Variants in ZNF667 observed in about 807,000 individuals in gnomAD.
The protein encoded by ZNF667 is zinc finger protein 667, also known as myocardial ischemic preconditioning upregulated 1 ortholog.
Under a neutral mutation model 31.8 loss-of-function variants are expected in ZNF667, and 13 were observed. The observed-to-expected ratio is 0.41, with a 90% CI of 0.27 to 0.65. The LOEUF (loss-of-function observed/expected upper bound fraction) is 0.65. Among genes scored for constraint, ZNF667 ranks in the 30% least tolerant of loss-of-function variants. The pLI, the probability that ZNF667 is intolerant of heterozygous loss-of-function variation, is 0.32. For missense variants in ZNF667, 642 were observed against 725.6 expected, an observed-to-expected ratio of 0.88 and a Z score of 1.32; for synonymous variants, 228 against 247.1, an observed-to-expected ratio of 0.92 and a Z score of 0.73.
chr19:56,446,298 C>T (rs1006463558), intron 6 of ZNF667, among the ~76,000 whole-genome samples: 2 of 152,132 alleles, frequency 1.3e-5, no homozygotes, highest in African/African-American at 4.8e-5. Context: ...AAATAATGTG[C>T]GAGATTTCTG....
chr19:56,462,245 A>G, intron 4 of ZNF667, 93 bp downstream of exon 4: 1 of 1,510,528 alleles, frequency 6.6e-7, no homozygotes, highest in South Asian at 1.2e-5. Context: ...TGGATCTCCA[A>G]CAGGCAACAA....
At chr19:56,469,916 A>G (rs1270523933) in intron 3 of ZNF667, 1 of 491,898 alleles carries the variant, frequency 2.0e-6, no homozygotes. Context: ...TCCCTCACCC[A>G]CTAAACCGGG....
chr19:56,444,189 T>C (rs541447763), intron 6 of ZNF667: 1 of 398,536 alleles, frequency 2.5e-6, no homozygotes, highest in African/African-American at 2.1e-5. Context: ...GGGTAATTTA[T>C]AAACAAAAGA....
At chr19:56,450,173 T>A (rs2042790973) in intron 6 of ZNF667, among the ~76,000 whole-genome samples, 1 of 151,986 alleles carries the variant, frequency 6.6e-6, no homozygotes, top group Non-Finnish European at 1.5e-5. Context: ...TCAGATAATT[T>A]AATAAACTCC....
chr19:56,442,882 G>T, intron 6 of ZNF667, 141 bp from the exon 7 acceptor site: 1 of 1,182,000 alleles, frequency 8.5e-7, no homozygotes, highest in Non-Finnish European at 1.1e-6. Context: ...TTTTATTGTG[G>T]TTTTGATGAC....
chr19:56,469,961 T>C (rs1290599528), intron 3 of ZNF667: 3 of 489,028 alleles, frequency 6.1e-6, no homozygotes, highest in South Asian at 4.5e-5. Flanking sequence ...AGGTGCCACT[T>C]CTTCACAGCG....
chr19:56,460,628 C>A, intron 5 of ZNF667, 61 bp downstream of exon 5: 1 of 1,544,062 alleles, frequency 6.5e-7, no homozygotes, highest in Non-Finnish European at 8.7e-7. Flanking sequence ...CTGACTAGAC[C>A]CAGAGTGATG....
intron 1 of ZNF667, chr19:56,475,298 G>A (rs73934927): frequency 0.018 from 2,807 of 152,280 alleles, 80 homozygotes; most frequent in African/African-American, 0.064. Flanking sequence ...CTGGCTGAAT[G>A]AATGAATGCA....
chr19:56,467,772 AG>A (rs2043194400), intron 3 of ZNF667: 2 of 152,274 alleles, frequency 1.3e-5, no homozygotes, highest in Admixed American at 6.5e-5. Flanking sequence ...CGAAGAATAC[AG>A]AGAAAGAAAT....
At chr19:56,450,090 G>A (rs1331838566) in intron 6 of ZNF667, among the ~76,000 whole-genome samples, 1 of 151,944 alleles carries the variant, frequency 6.6e-6, no homozygotes, top group Non-Finnish European at 1.5e-5. Flanking sequence ...TTCCAAACCT[G>A]GAGAAAGATG....
At chr19:56,462,971 A>G (rs185074611) in intron 3 of ZNF667, among the ~76,000 whole-genome samples, 10 of 152,294 alleles carry the variant, frequency 6.6e-5, no homozygotes, top group African/African-American at 2.4e-4. Context: ...TGTGGGTGCT[A>G]GGGGAAGAGC....
At chr19:56,451,643 T>C (rs1600415478) in intron 6 of ZNF667, among the ~76,000 whole-genome samples, 1 of 151,810 alleles carries the variant, frequency 6.6e-6, no homozygotes, top group Admixed American at 6.6e-5. Flanking sequence ...CTGAGGCAGG[T>C]GGATTGCTTG....
At chr19:56,444,240 G>C in intron 6 of ZNF667, 1 of 398,546 alleles carries the variant, frequency 2.5e-6, no homozygotes, top group Non-Finnish European at 4.4e-6. Flanking sequence ...TACAAGCATG[G>C]TGCTGGCACC....
At chr19:56,466,940 A>C (rs547979707) in intron 3 of ZNF667, 2 of 452,928 alleles carry the variant, frequency 4.4e-6, no homozygotes, top group Non-Finnish European at 8.9e-6. Flanking sequence ...ACTCTATAAC[A>C]GGGTAGTTTC....
At chr19:56,469,837 C>G in intron 3 of ZNF667, 1 of 431,296 alleles carries the variant, frequency 2.3e-6, no homozygotes, top group South Asian at 1.7e-5. Context: ...TAAGTGTTTG[C>G]TAACTGAATG....
Position 56,441,992 on chromosome 19 carries a change from A to G in ZNF667, c.1003T>C (p.Cys335Arg), listed in dbSNP as rs373122711. The change falls in exon 7 of 7, where the codon TGT (cysteine) becomes CGT (arginine). Residue 335 changes from cysteine to arginine, a missense_variant. By Grantham distance (180) the Cys-to-Arg change is radical. Coordinates refer to ENST00000504904, the MANE Select transcript of ZNF667 (RefSeq NM_001321356.2). The surrounding 1 kb of genome is among the most constrained non-coding windows in gnomAD (Gnocchi z 4.2). ...HLENPFKCRK[C>R]GKLFNRISPL... ...GAAATCCTATTAAATAATTTCCCACATTTTCTGCATTTAAAAGGATTCTCT... is the reference window on the plus strand; with the variant it reads ...GAAATCCTATTAAATAATTTCCCACGTTTTCTGCATTTAAAAGGATTCTCT... The G allele has an allele frequency of 3.7e-6, 6 of 1,613,818 alleles. No homozygotes were observed. In the African/African-American group the frequency reaches 8.0e-5, roughly 22 times the overall value.
At chr19:56,469,042 T>TC (rs756326167) in intron 3 of ZNF667, 1 of 152,240 alleles carries the variant, frequency 6.6e-6, no homozygotes, top group Non-Finnish European at 1.5e-5. Context: ...TTCCTTCCAG[T>TC]CCTCATGCCC....
upstream of ZNF667, chr19:56,478,039 GT>G (rs2043455676): frequency 6.6e-6 from 1 of 152,468 alleles, no homozygotes; most frequent in African/African-American, 2.4e-5. Context: ...TCACCTGCAC[GT>G]TTTGCGAAGA....
intron 1 of ZNF667, 130 bp downstream of exon 1, chr19:56,477,140 CAA>C (rs2043428949): frequency 6.6e-6 from 1 of 152,244 alleles, no homozygotes; most frequent in Non-Finnish European, 1.5e-5. Context: ...ACCGCCCACG[CAA>C]GCACCCGCGC....
Sources: gnomAD v4.1 joint callset for allele counts (sites outside exome capture counted in the v4.1 genomes callset) on GRCh38, gnomAD v4.1.1 for gene constraint, Gnocchi (gnomAD v3.1) non-coding constraint, MANE v1.5 for transcripts, NCBI Gene and HGNC (gene_info 2026-07-23, HGNC 2026-07-21) for gene names.